The following ZAN variants were observed in gnomAD, a reference collection of about 807,000 sequenced individuals.
ZAN encodes zonadhesin (gene/pseudogene).
In ZAN, 260 loss-of-function variants were observed where a neutral mutation model predicts 286.2. The ratio of observed to expected loss-of-function variants is 0.91; its 90% CI spans 0.82 to 1.01. ZAN has a LOEUF of 1.01. Ranked by LOEUF, ZAN falls within the 50% of genes least tolerant of loss-of-function variation. ZAN has a pLI of 0.00. For missense variants in ZAN, 3,410 were observed against 3,639.2 expected, an observed-to-expected ratio of 0.94 and a Z score of 1.62; for synonymous variants, 1,368 against 1,417.5, an observed-to-expected ratio of 0.97 and a Z score of 0.79.
chr7:100,757,054 C>T (rs1213283528), intron 15 of ZAN, among the ~76,000 whole-genome samples: 1 of 152,242 alleles, frequency 6.6e-6, no homozygotes, highest in African/African-American at 2.4e-5. Context: ...AGGCGTGAGC[C>T]ACCGCGCCTG....
In ZAN at chr7:100,736,879, C is replaced by A; in HGVS notation, c.324C>A (p.Asp108Glu). ...GAGTGGCCCGCCTGCTCAGCCCCGACCTATGGGAGCAAGGCCCCCTCTGTG... is the reference window on the plus strand; with the variant it reads ...GAGTGGCCCGCCTGCTCAGCCCCGAACTATGGGAGCAAGGCCCCCTCTGTG... ...RGGVARLLSP[D>E]LWEQGPLCVH... The change falls in exon 5 of 48, where the codon GAC becomes GAA. Residue 108 changes from aspartate to glutamate, a missense_variant. Around this residue, in one of 7 missense-constraint regions of ZAN, gnomAD observed 872 missense variants for 938.9 expected, o/e 0.93. Transcript: ENST00000613979. 1 of 1,487,186 alleles carries A rather than the reference C, an allele frequency of 6.7e-7. No homozygotes were observed. The highest frequency in any genetic ancestry group is 9.2e-7 in the Non-Finnish European group (1 of 1,089,390). 92.1% of individuals were successfully genotyped at this position (1,487,186 alleles called of 1,614,324 possible).
chr7:100,761,000 A>G (rs181037674), intron 19 of ZAN, among the ~76,000 whole-genome samples: 3 of 152,130 alleles, frequency 2.0e-5, no homozygotes, highest in African/African-American at 7.2e-5. Flanking sequence ...AGGTTCAGCA[A>G]TTCTCCTGCC....
In ZAN at chr7:100,784,839, G is replaced by A. The variant is rs773235842; in HGVS notation, c.6834+5G>A. ...GCCCATGGTGGCTCCATCCCTGTGA[G>A]TGGGCATGGGAAATGGGACTGGAGG... On this transcript the variant is annotated splice_donor_5th_base_variant and intron_variant, in intron 36 of 47. Coordinates refer to ENST00000613979, the MANE Select transcript of ZAN (RefSeq NM_003386.3). 4.4e-6 allele frequency: 7 copies of A among 1,582,300 alleles called. No homozygotes were observed. In the African/African-American group the frequency reaches 9.4e-5, roughly 21 times the overall value.
chr7:100,794,514 TAACA>T (rs750664933), intron 44 of ZAN, among the ~76,000 whole-genome samples: 4 of 152,080 alleles, frequency 2.6e-5, no homozygotes, highest in Non-Finnish European at 4.4e-5. Flanking sequence ...AATTTATACA[TAACA>T]AACATGGAGT....
intron 27 of ZAN, 36 bp from the exon 28 acceptor site, chr7:100,769,844 A>C (rs372520210): frequency 6.5e-7 from 1 of 1,544,104 alleles, no homozygotes; most frequent in African/African-American, 1.4e-5. Context: ...ACTGCACCCA[A>C]CCTGTAGCCC....
intron 38 of ZAN, 92 bp from the exon 39 acceptor site, chr7:100,789,126 G>T: frequency 6.6e-7 from 1 of 1,514,972 alleles, no homozygotes; most frequent in South Asian, 1.3e-5. Flanking sequence ...GGAGACATAT[G>T]GAGATGACTG....
rs1355746163 is a variant in ZAN at position 100,734,162 on chromosome 7, G to A, written c.-7G>A. 2.1e-6 allele frequency: 3 copies of A among 1,454,242 alleles called. 1 individual carries two copies. Among genetic ancestry groups the A allele is most frequent in the Non-Finnish European group, 2.8e-6 (3 of 1,069,548 alleles). The allele number at this position is 1,454,242 out of a possible 1,614,324, so 90.1% of individuals were successfully genotyped here. A position where few individuals can be genotyped will look rare whatever the true frequency, so the allele number is the denominator to read the frequency against. ...CTCTCCCCTGGGAGCAACCACTTAG[G>A]GTCCTCATGGTTCCTCCAGTCTGGA... On this transcript the variant is annotated 5_prime_UTR_variant, in exon 2 of 48. Transcript: ENST00000613979.
rs369066830 is a variant in ZAN, at chr7:100,791,426, C to G, written c.7529+313C>G. ...CCTCCTCCTTCTTCTTCTCCTCCTC[C>G]TACTTCTTCTTCCTCTGTCACCCAG... On this transcript the variant is annotated intron_variant, in intron 40 of 47. Coordinates refer to ENST00000613979, the MANE Select transcript of ZAN (RefSeq NM_003386.3). Among the ~76,000 whole-genome samples, 72 of 152,010 alleles carry G rather than the reference C, an allele frequency of 4.7e-4. 1 individual carries two copies. The East Asian group carries it at 0.013, about 27-fold the overall frequency.
At chr7:100,777,559 A>G (rs1199243946) in intron 34 of ZAN, among the ~76,000 whole-genome samples, 1 of 151,756 alleles carries the variant, frequency 6.6e-6, no homozygotes, top group Non-Finnish European at 1.5e-5. Flanking sequence ...ACGGAGTTTC[A>G]TCATGTTGGT....
rs779564848 is a variant in ZAN, at chr7:100,794,023, G to A, written c.7986+5G>A. The A allele has an allele frequency of 3.8e-5, 62 of 1,612,324 alleles. 1 individual carries two copies. Among genetic ancestry groups the A allele is most frequent in the African/African-American group, 2.0e-4 (15 of 74,908 alleles). ...AGCAATGGCATCTACTACCAGGTCT[G>A]AGCTGGCAGCAGGAGGCCCTGGGGA... On this transcript the variant is annotated splice_donor_5th_base_variant and intron_variant, in intron 43 of 47. Transcript: ENST00000613979.
chr7:100,776,445 C>A lies in ZAN; in HGVS notation c.6198C>A (p.Cys2066Ter), dbSNP rs200080308. 18 of 1,604,978 alleles carry A rather than the reference C, an allele frequency of 1.1e-5. 1 individual carries two copies. The highest frequency in any genetic ancestry group is 2.2e-5 in the South Asian group (2 of 89,092). Residue 2066 changes from cysteine (C) to a stop codon, truncating the protein, a stop_gained, in exon 34 of 48, where the codon TGC (cysteine) becomes TGA (stop). Coordinates refer to ENST00000613979, the MANE Select transcript of ZAN (RefSeq NM_003386.3). LOFTEE classifies it high-confidence loss of function. ...AAACCACTCTCCCCCGCCAGGTCTG[C>A]GGCATGTGTGGGAACTTCAATGATG... ...EIPTTYYGKV[C>*]GMCGNFNDEE...
intron 22 of ZAN, 143 bp downstream of exon 22, chr7:100,764,339 A>G: frequency 9.6e-7 from 1 of 1,039,438 alleles, no homozygotes; most frequent in Non-Finnish European, 1.3e-6. Flanking sequence ...TACTAAACAT[A>G]CCAAAATTAG....
At chr7:100,748,936 T>A (rs1808418169) in intron 11 of ZAN, among the ~76,000 whole-genome samples, 1 of 152,056 alleles carries the variant, frequency 6.6e-6, no homozygotes, top group South Asian at 2.1e-4. Flanking sequence ...CTTGCGAGGC[T>A]GATGTGGGAG....
rs1000133061 is a variant in ZAN, at chr7:100,766,610, G to A, written c.4556G>A (p.Cys1519Tyr). ...AGAATTCGCTGCCAGCCCTGGAGGTGTAGGGCCCAGGAGTTCTGTGGCCAA... is the reference window on the plus strand; with the variant it reads ...AGAATTCGCTGCCAGCCCTGGAGGTATAGGGCCCAGGAGTTCTGTGGCCAA... ...NNRIRCQPWRCRAQEFCGQQD... is the reference protein window; with the variant it reads ...NNRIRCQPWRYRAQEFCGQQD... Residue 1519 changes from cysteine to tyrosine, a missense_variant, in exon 24 of 48, where the codon TGT becomes TAT. By Grantham distance (194) the Cys-to-Tyr change is radical. Coordinates refer to ENST00000613979, the MANE Select transcript of ZAN (RefSeq NM_003386.3). The A allele has an allele frequency of 1.8e-5, 28 of 1,557,884 alleles. No individual in the cohort carries two copies. Among genetic ancestry groups the A allele is most frequent in the Middle Eastern group, 3.3e-4 (2 of 6,018 alleles).
chr7:100,771,029 C>G (rs182160214), intron 28 of ZAN, among the ~76,000 whole-genome samples: 1 of 152,108 alleles, frequency 6.6e-6, no homozygotes, highest in South Asian at 2.1e-4. Context: ...ATCTTGAACT[C>G]CTGACCTCAA....
At chr7:100,743,367 CCACCACCTCCCTGTGCACT>C (rs1181295512) in intron 7 of ZAN, among the ~76,000 whole-genome samples, 5 of 151,968 alleles carry the variant, frequency 3.3e-5, no homozygotes, top group African/African-American at 1.2e-4. Flanking sequence ...TAGCTTCTTT[CCACCACCTCCCTGTGCACT>C]CAGCTGAGCT....
At chr7:100,766,986 T>A (rs771445604) in intron 24 of ZAN, 24 bp from the exon 25 acceptor site, 1 of 1,611,588 alleles carries the variant, frequency 6.2e-7, no homozygotes, top group Non-Finnish European at 8.5e-7. Flanking sequence ...AGTGAGACTG[T>A]GAACTCCATC....
chr7:100,788,564 A>G (rs1811731183), intron 38 of ZAN, among the ~76,000 whole-genome samples: 3 of 152,038 alleles, frequency 2.0e-5, no homozygotes, highest in Admixed American at 6.6e-5. Flanking sequence ...TCAAAAACAA[A>G]TTCAGCAACA....
intron 34 of ZAN, among the ~76,000 whole-genome samples, 154 bp downstream of exon 34, chr7:100,776,718 CTTTTTTTTTTTTTTTT>C (rs1161585746): frequency 6.3e-5 from 3 of 47,502 alleles, no homozygotes; most frequent in South Asian, 1.7e-3. Flanking sequence ...CCTCTCCTTT[CTTTTTTTTTTTTTTTT>C]TTTTTTTTTG....
Sources: allele counts gnomAD v4.1 joint callset (sites outside exome capture counted in the v4.1 genomes callset), GRCh38; gene constraint gnomAD v4.1.1; regional missense constraint gnomAD v4.1.1; transcripts MANE v1.5; gene names NCBI Gene and HGNC (gene_info 2026-07-23, HGNC 2026-07-21).